Variants in SLC7A1 observed in about 807,000 individuals in gnomAD.
SLC7A1 encodes the protein solute carrier family 7 member 1, also known as high affinity cationic amino acid transporter 1.
SLC7A1 carries 10 observed loss-of-function variants against 53.9 expected under a neutral mutation model. The ratio of observed to expected loss-of-function variants is 0.19; its 90% CI spans 0.11 to 0.31. The LOEUF is 0.31. SLC7A1 is among the 10% of genes least tolerant of loss of function. SLC7A1 has a pLI of 1.00. For missense variants in SLC7A1, 525 were observed against 827.2 expected, an observed-to-expected ratio of 0.63 and a Z score of 4.48; for synonymous variants, 342 against 338.7, an observed-to-expected ratio of 1.01 and a Z score of -0.11.
rs531716885 is a variant in SLC7A1 at position 29,590,162 on chromosome 13, G to A, written c.-115+5254C>T. ...CCTGCCTTCTCACTGCTGCCCCCAG[G>A]TGGGTGTCGCCCACCACCCCTGTGC... On this transcript the variant is annotated intron_variant, in intron 1 of 12. Transcript: ENST00000380752. Among the ~76,000 whole-genome samples the A allele has an allele frequency of 1.6e-4, 25 of 152,252 alleles. No individual in the cohort carries two copies. In the South Asian group the frequency reaches 4.8e-3, roughly 29 times the overall value.
intron 2 of SLC7A1, among the ~76,000 whole-genome samples, chr13:29,547,941 C>A (rs1301719695): frequency 6.6e-6 from 1 of 152,242 alleles, no homozygotes; most frequent in Non-Finnish European, 1.5e-5. Context: ...GCCAGGACAG[C>A]CCCAAAATGC....
rs576883356 is a variant in SLC7A1 at position 29,528,965 on chromosome 13, A to T, written c.704+1573T>A. Among the ~76,000 whole-genome samples the T allele has an allele frequency of 5.3e-5, 8 of 152,368 alleles. No homozygotes were observed. The East Asian group carries it at 1.4e-3, about 26-fold the overall frequency. On this transcript the variant is annotated intron_variant, in intron 5 of 12. Coordinates refer to ENST00000380752, the MANE Select transcript of SLC7A1 (RefSeq NM_003045.5). ...TTAAATCTCGATTGGCAACCAGTTA[A>T]CAAGAGGTGCCCTATATATTTCATT... is the stretch of plus-strand genomic sequence containing the variant.
intron 1 of SLC7A1, among the ~76,000 whole-genome samples, chr13:29,564,808 A>AT (rs1870898444): frequency 6.6e-6 from 1 of 152,266 alleles, no homozygotes; most frequent in Admixed American, 6.5e-5. Context: ...ATTTAAGAAA[A>AT]TAAATAGAGA....
chr13:29,525,048 G>A (rs1868821688), intron 5 of SLC7A1, among the ~76,000 whole-genome samples: 1 of 152,184 alleles, frequency 6.6e-6, no homozygotes, highest in African/African-American at 2.4e-5. Context: ...GTTCCCTGAT[G>A]TACAAAGCCC....
intron 1 of SLC7A1, among the ~76,000 whole-genome samples, chr13:29,586,182 G>T (rs1871877823): frequency 6.6e-6 from 1 of 152,202 alleles, no homozygotes; most frequent in African/African-American, 2.4e-5. Context: ...GCAAAATGGG[G>T]TATGTATGTG....
intron 1 of SLC7A1, among the ~76,000 whole-genome samples, chr13:29,572,302 A>G (rs1353485372): frequency 6.6e-6 from 1 of 152,236 alleles, no homozygotes; most frequent in African/African-American, 2.4e-5. Flanking sequence ...CGCTTCACAC[A>G]AGAGTCACTC....
intron 1 of SLC7A1, among the ~76,000 whole-genome samples, chr13:29,578,751 T>A (rs1234212222): frequency 6.6e-6 from 1 of 152,350 alleles, no homozygotes; most frequent in South Asian, 2.1e-4. Flanking sequence ...GATCCACCAA[T>A]GCTGGAAAAG....
At chr13:29,564,571 A>G (rs1235635802) in intron 1 of SLC7A1, among the ~76,000 whole-genome samples, 1 of 152,222 alleles carries the variant, frequency 6.6e-6, no homozygotes, top group Non-Finnish European at 1.5e-5. Flanking sequence ...CCCTAGGGCA[A>G]GAGCCATAAT....
intron 1 of SLC7A1, among the ~76,000 whole-genome samples, chr13:29,565,140 C>A (rs9578108): frequency 0.065 from 9,965 of 152,286 alleles, 401 homozygotes; most frequent in Middle Eastern, 0.16. Context: ...GCTAACTGGG[C>A]AGACTGTGGC....
intron 2 of SLC7A1, among the ~76,000 whole-genome samples, chr13:29,544,832 C>T (rs533495406): frequency 2.2e-5 from 3 of 138,728 alleles, no homozygotes; most frequent in East Asian, 4.4e-4. Flanking sequence ...TGTGCCCTGT[C>T]GTAGGGGGCA....
intron 1 of SLC7A1, among the ~76,000 whole-genome samples, chr13:29,584,487 A>G (rs116162673): frequency 0.017 from 2,589 of 152,312 alleles, 63 homozygotes; most frequent in African/African-American, 0.058. Flanking sequence ...GAGTACTGTA[A>G]AGTAAGCACT....
At chr13:29,516,536 A>G (rs1177788268) in intron 11 of SLC7A1, among the ~76,000 whole-genome samples, 2 of 152,256 alleles carry the variant, frequency 1.3e-5, no homozygotes, top group Non-Finnish European at 2.9e-5. Flanking sequence ...TTCTCCTGCT[A>G]AAGAAAGGAC....
rs1235195227 is a variant in SLC7A1 at position 29,579,325 on chromosome 13, G to A, written c.-115+16091C>T. Among the ~76,000 whole-genome samples, 8 of 152,026 alleles carry A rather than the reference G, an allele frequency of 5.3e-5. No individual in the cohort carries two copies. The South Asian group carries it at 1.3e-3, about 24-fold the overall frequency. On this transcript the variant is annotated intron_variant, in intron 1 of 12. Coordinates refer to ENST00000380752, the MANE Select transcript of SLC7A1 (RefSeq NM_003045.5). ...GGCCAGGGATCTGACACCAGGAAAC[G>A]GCTGCCCCTGTCATGAATGGATAAG...
intron 11 of SLC7A1, 90 bp from the exon 12 acceptor site, chr13:29,516,336 G>T: frequency 2.5e-6 from 2 of 812,272 alleles, no homozygotes; most frequent in Non-Finnish European, 4.1e-6. Flanking sequence ...GCACAACTGA[G>T]AGTGACAGGG....
intron 1 of SLC7A1, among the ~76,000 whole-genome samples, chr13:29,569,707 A>G (rs568743888): frequency 4.5e-4 from 69 of 152,240 alleles, no homozygotes; most frequent in Non-Finnish European, 9.6e-4. Flanking sequence ...AAATTCTTCA[A>G]TGTAATGCAA....
chr13:29,523,855 C>T (rs1289124428), intron 6 of SLC7A1, among the ~76,000 whole-genome samples: 2 of 152,204 alleles, frequency 1.3e-5, no homozygotes, highest in Non-Finnish European at 2.9e-5. Flanking sequence ...GGAAGACGCT[C>T]AGATATGAAA....
intron 2 of SLC7A1, among the ~76,000 whole-genome samples, chr13:29,537,241 G>A (rs3011604): frequency 0.023 from 3,457 of 152,322 alleles, 134 homozygotes; most frequent in African/African-American, 0.079. Flanking sequence ...GCAGGTGACC[G>A]AGGCCAATAA....
At chr13:29,591,471 C>T (rs966288484) in intron 1 of SLC7A1, among the ~76,000 whole-genome samples, 2 of 152,150 alleles carry the variant, frequency 1.3e-5, no homozygotes, top group Admixed American at 6.5e-5. Flanking sequence ...GGCCCCATAC[C>T]GAGCAGAGGC....
chr13:29,571,079 C>A (rs1593576568), intron 1 of SLC7A1, among the ~76,000 whole-genome samples: 1 of 152,054 alleles, frequency 6.6e-6, no homozygotes, highest in African/African-American at 2.4e-5. Flanking sequence ...AGATTAAGTA[C>A]CCAAAATGAT....
Sources: gnomAD v4.1 joint callset for allele counts (sites outside exome capture counted in the v4.1 genomes callset) on GRCh38, gnomAD v4.1.1 for gene constraint, MANE v1.5 for transcripts, NCBI Gene and HGNC (gene_info 2026-07-23, HGNC 2026-07-21) for gene names.